Variants in MIPOL1 observed in about 807,000 individuals in gnomAD.
The protein encoded by MIPOL1 is mirror-image polydactyly gene 1 protein.
A neutral mutation model predicts 60.9 loss-of-function variants in MIPOL1; 57 were observed. The observed-to-expected ratio is 0.94, with a 90% CI of 0.76 to 1.17. MIPOL1 has a LOEUF of 1.17. Among genes scored for constraint, MIPOL1 ranks in the 50% most tolerant of loss-of-function variants. MIPOL1 has a pLI of 0.00. For synonymous variants in MIPOL1, 179 were observed against 168.8 expected (o/e 1.06, Z -0.47); for missense variants, 551 against 511.6 (o/e 1.08, Z -0.74).
intron 10 of MIPOL1, among the ~76,000 whole-genome samples, chr14:37,388,894 C>T (rs75924906): frequency 6.6e-6 from 1 of 152,168 alleles, no homozygotes; most frequent in South Asian, 2.1e-4. Context: ...TTTGTTTGCT[C>T]TCCTCTATGT....
chr14:37,361,466 T>C (rs1305205151), intron 9 of MIPOL1, among the ~76,000 whole-genome samples: 1 of 152,062 alleles, frequency 6.6e-6, no homozygotes, highest in Admixed American at 6.6e-5. Context: ...GGAGTCTACG[T>C]CTCTTTGTAG....
chr14:37,358,905 G>A lies in MIPOL1; in HGVS notation c.829-10612G>A, dbSNP rs191529026. Among the ~76,000 whole-genome samples the A allele has an allele frequency of 1.4e-3, 211 of 152,214 alleles. 4 individuals carry two copies. The highest frequency in any genetic ancestry group is 4.8e-3 in the African/African-American group (200 of 41,532). On this transcript the variant is annotated intron_variant, in intron 9 of 12. Transcript: ENST00000684589. ...TTGGTGTTTTAGTCATGACGTCCTTGCCCATGCCTATGTCTGGAATGGTAT... is the reference window on the plus strand; with the variant it reads ...TTGGTGTTTTAGTCATGACGTCCTTACCCATGCCTATGTCTGGAATGGTAT...
rs563186490 is a variant in MIPOL1 at position 37,233,606 on chromosome 14, T to G, written c.-198-13497T>G. 7.9e-5 allele frequency among the ~76,000 whole-genome samples: 12 copies of G among 152,124 alleles called. No individual in the cohort carries two copies. In the South Asian group the frequency reaches 2.5e-3, roughly 32 times the overall value. Reference sequence around the variant, plus strand: ...AATGCCTTTTACAGATTTTTTAAGATTAGGAAACACAAAGAAGTCAGAAGG... The same window carrying G: ...AATGCCTTTTACAGATTTTTTAAGAGTAGGAAACACAAAGAAGTCAGAAGG... On this transcript the variant is annotated intron_variant, in intron 1 of 12. Coordinates refer to ENST00000684589, the MANE Select transcript of MIPOL1 (RefSeq NM_001388067.1).
intron 11 of MIPOL1, among the ~76,000 whole-genome samples, chr14:37,455,091 TC>T (rs1327105187): frequency 6.6e-6 from 1 of 152,180 alleles, no homozygotes; most frequent in Non-Finnish European, 1.5e-5. Flanking sequence ...ATCAAAACTA[TC>T]TGCTGGACAT....
At chr14:37,251,700 A>T (rs1294391186) in intron 3 of MIPOL1, among the ~76,000 whole-genome samples, 1 of 152,076 alleles carries the variant, frequency 6.6e-6, no homozygotes, top group African/African-American at 2.4e-5. Context: ...GAGATCGTAA[A>T]TCTTATATGA....
At chr14:37,277,417 G>T (rs530157015) in intron 6 of MIPOL1, 3 of 151,232 alleles carry the variant, frequency 2.0e-5, no homozygotes, top group African/African-American at 4.8e-5. Flanking sequence ...ATGCTTCAGG[G>T]ATAAACTTTT....
At chr14:37,441,330 G>C (rs1336574295) in intron 11 of MIPOL1, among the ~76,000 whole-genome samples, 2 of 152,070 alleles carry the variant, frequency 1.3e-5, no homozygotes, top group African/African-American at 4.8e-5. Flanking sequence ...GAACAGAAGA[G>C]TTTTCCCTAG....
intron 1 of MIPOL1, among the ~76,000 whole-genome samples, chr14:37,213,211 TAAAC>T (rs765439597): frequency 2.0e-5 from 3 of 152,060 alleles, no homozygotes; most frequent in Non-Finnish European, 4.4e-5. Flanking sequence ...CCTCATCAAA[TAAAC>T]TAAGTAAGGA....
chr14:37,532,091 A>C (rs1241311535), intron 12 of MIPOL1, among the ~76,000 whole-genome samples: 1 of 152,198 alleles, frequency 6.6e-6, no homozygotes, highest in Non-Finnish European at 1.5e-5. Context: ...ATTATAAATA[A>C]ATGAGGCCTT....
intron 11 of MIPOL1, among the ~76,000 whole-genome samples, chr14:37,456,187 C>T (rs2094474596): frequency 6.6e-6 from 1 of 151,946 alleles, no homozygotes; most frequent in Non-Finnish European, 1.5e-5. Flanking sequence ...GTTTTCAGTC[C>T]TTTGCCTATC....
chr14:37,204,788 A>G (rs946788019), intron 1 of MIPOL1, among the ~76,000 whole-genome samples: 8 of 152,134 alleles, frequency 5.3e-5, no homozygotes, highest in Non-Finnish European at 1.2e-4. Context: ...TGCTGCTGAA[A>G]AGATACCTGA....
At chr14:37,346,460 A>G (rs973987589) in intron 9 of MIPOL1, among the ~76,000 whole-genome samples, 1 of 152,202 alleles carries the variant, frequency 6.6e-6, no homozygotes, top group African/African-American at 2.4e-5. Flanking sequence ...ATATGGATAA[A>G]TACCCTCAGT....
chr14:37,310,244 C>T (rs567443254), intron 9 of MIPOL1, among the ~76,000 whole-genome samples: 77 of 152,268 alleles, frequency 5.1e-4, no homozygotes, highest in Non-Finnish European at 8.5e-4. Context: ...AGAAAAATCA[C>T]ACAAATTTAC....
chr14:37,378,699 G>A (rs1313330548), intron 10 of MIPOL1, among the ~76,000 whole-genome samples: 2 of 151,706 alleles, frequency 1.3e-5, no homozygotes, highest in Non-Finnish European at 2.9e-5. Context: ...AAAAGAGAGG[G>A]AGGGACGGAA....
rs149479063 is a variant in MIPOL1, at chr14:37,377,702, G to A, written c.936+8078G>A. Among the ~76,000 whole-genome samples, 119 of 149,446 alleles carry A rather than the reference G, an allele frequency of 8.0e-4. 2 individuals carry two copies. The Middle Eastern group carries it at 0.011, about 13-fold the overall frequency. ...CTGCCAAAAAACAATTCAGCATTCA[G>A]TCTTGACAGGAGTGCGGTGGTTATT... On this transcript the variant is annotated intron_variant, in intron 10 of 12. Coordinates refer to ENST00000684589, the MANE Select transcript of MIPOL1 (RefSeq NM_001388067.1).
intron 10 of MIPOL1, among the ~76,000 whole-genome samples, chr14:37,390,047 T>C (rs1228922131): frequency 6.6e-6 from 1 of 151,644 alleles, no homozygotes; most frequent in Non-Finnish European, 1.5e-5. Context: ...TACAAAAATA[T>C]ATATATGTAT....
chr14:37,529,154 T>G (rs1271528721), intron 12 of MIPOL1, among the ~76,000 whole-genome samples: 2 of 152,236 alleles, frequency 1.3e-5, no homozygotes, highest in East Asian at 1.9e-4. Context: ...CTTGTTAGTC[T>G]GACTACTTAC....
At chr14:37,256,749 CAGCA>C (rs752191472) in intron 3 of MIPOL1, among the ~76,000 whole-genome samples, 33,337 of 151,716 alleles carry the variant, frequency 0.22, 4,135 homozygotes, top group South Asian at 0.35. Context: ...CAGTAGAAAC[CAGCA>C]TCAGAGACTT....
intron 11 of MIPOL1, among the ~76,000 whole-genome samples, chr14:37,475,046 T>C (rs1415947767): frequency 6.6e-6 from 1 of 151,816 alleles, no homozygotes; most frequent in Non-Finnish European, 1.5e-5. Flanking sequence ...CTCACTGCAG[T>C]CTCCACCTCC....
Sources: allele counts gnomAD v4.1 joint callset (sites outside exome capture counted in the v4.1 genomes callset), GRCh38; gene constraint gnomAD v4.1.1; transcripts MANE v1.5; gene names NCBI Gene and HGNC (gene_info 2026-07-23, HGNC 2026-07-21).